Variants in CKAP2 observed in about 807,000 individuals in gnomAD.
The protein encoded by CKAP2 is cytoskeleton-associated protein 2.
CKAP2 carries 46 observed loss-of-function variants against 58.4 expected under a neutral mutation model. The observed-to-expected ratio is 0.79, with a 90% CI of 0.62 to 1.01. The LOEUF is 1.01. Among genes scored for constraint, CKAP2 ranks in the 50% least tolerant of loss-of-function variants. The pLI is 0.00. For synonymous variants in CKAP2, 293 were observed against 280.9 expected (o/e 1.04, Z -0.43); for missense variants, 809 against 796.4 (o/e 1.02, Z -0.19).
chr13:52,463,697 GGAA>G (rs1319272434), intron 5 of CKAP2, among the ~76,000 whole-genome samples: 1 of 152,162 alleles, frequency 6.6e-6, no homozygotes, highest in Admixed American at 6.5e-5. Flanking sequence ...TGAGGGACCA[GGAA>G]GTGGGTTCTC....
chr13:52,466,199 G>A (rs1051138877), intron 6 of CKAP2, among the ~76,000 whole-genome samples: 7 of 151,902 alleles, frequency 4.6e-5, no homozygotes, highest in Non-Finnish European at 7.4e-5. Context: ...ACAAAGTTTT[G>A]GGTATAGAAT....
In CKAP2 at chr13:52,468,479, A is replaced by G. The variant is rs142852706; in HGVS notation, c.1546+132A>G. 510 of 587,882 alleles carry G rather than the reference A, an allele frequency of 8.7e-4. 4 individuals carry two copies. Among genetic ancestry groups the G allele is most frequent in the African/African-American group, 7.0e-3 (372 of 53,168 alleles). 36.4% of individuals were successfully genotyped at this position (587,882 alleles called of 1,614,324 possible). On this transcript the variant is annotated intron_variant, in intron 7 of 8. Transcript: ENST00000258607. ...TTTGTTACAAAGGTAAATGTGTGTC[A>G]TGGGGGTTTGTTGTACAGATTATTT...
At chr13:52,459,308 A>G (rs1958534446) in intron 2 of CKAP2, among the ~76,000 whole-genome samples, 1 of 152,056 alleles carries the variant, frequency 6.6e-6, no homozygotes, top group Non-Finnish European at 1.5e-5. Context: ...TGTAAAATAT[A>G]TATATATATA....
intron 7 of CKAP2, among the ~76,000 whole-genome samples, chr13:52,470,916 T>C (rs935583441): frequency 6.6e-6 from 1 of 151,820 alleles, no homozygotes; most frequent in African/African-American, 2.4e-5. Flanking sequence ...TCCCAGCACT[T>C]TGGGAGGCCT....
rs993104106 is a variant in CKAP2 at position 52,465,972 on chromosome 13, C to T, written c.1476+507C>T. ...ATATATATGCACACATATATACACA[C>T]ATATATGCACACATATATGCACACA... On this transcript the variant is annotated intron_variant, in intron 6 of 8. Transcript: ENST00000258607. 4.3e-3 allele frequency: 1,119 copies of T among 259,532 alleles called. 14 individuals carry two copies. The highest frequency in any genetic ancestry group is 0.023 in the African/African-American group (971 of 43,014). The allele number at this position is 259,532 out of a possible 1,614,324, so 16.1% of individuals were successfully genotyped here.
chr13:52,461,761 C>T lies in CKAP2; in HGVS notation c.935C>T (p.Thr312Ile). 1 of 1,613,812 alleles carries T rather than the reference C, an allele frequency of 6.2e-7. No homozygotes were observed. Among genetic ancestry groups the T allele is most frequent in the Non-Finnish European group, 8.5e-7 (1 of 1,179,762 alleles). The change falls in exon 4 of 9, where the codon ACT (threonine) becomes ATT (isoleucine). Residue 312 changes from threonine (T) to isoleucine (I), a missense_variant. Thr to Ile is a moderately conservative substitution (Grantham distance 89). Around this residue, in one of 3 missense-constraint regions of CKAP2, gnomAD observed 523 missense variants for 492.4 expected, o/e 1.06. Coordinates refer to ENST00000258607, the MANE Select transcript of CKAP2 (RefSeq NM_018204.5). ...SSSQGIIRNK[T>I]LSRSIASEVI... is the part of the protein sequence containing the mutation. ...TCTCAAGGTATAATAAGAAATAAGA[C>T]TCTATCAAGATCCATAGCATCTGAA...
chr13:52,471,051 G>A (rs1446448085), intron 7 of CKAP2, among the ~76,000 whole-genome samples: 18 of 152,072 alleles, frequency 1.2e-4, no homozygotes, highest in African/African-American at 2.7e-4. Context: ...CCAGCTACTC[G>A]GGGGGCTGAG....
chr13:52,476,356 T>C lies in CKAP2; in HGVS notation c.*1215T>C, dbSNP rs1042472115. ...TTAAAATATCTGTGTAATTATGTTT[T>C]AATGAAGTTTATTTCAACAGATATT... On this transcript the variant is annotated 3_prime_UTR_variant, in exon 9 of 9. Coordinates refer to ENST00000258607, the MANE Select transcript of CKAP2 (RefSeq NM_018204.5). 6.6e-6 allele frequency: 1 copy of C among 152,230 alleles called. No individual in the cohort carries two copies. Among genetic ancestry groups the C allele is most frequent in the East Asian group, 1.9e-4 (1 of 5,206 alleles). The allele number at this position is 152,230 out of a possible 1,614,324, so 9.4% of individuals were successfully genotyped here.
chr13:52,462,751 A>C (rs1392047385), intron 5 of CKAP2, among the ~76,000 whole-genome samples, 184 bp downstream of exon 5: 2 of 152,158 alleles, frequency 1.3e-5, no homozygotes, highest in African/African-American at 4.8e-5. Context: ...TTCATTCATT[A>C]ATTGTGAGCT....
At chr13:52,460,827 T>C in intron 2 of CKAP2, 72 bp from the exon 3 acceptor site, 1 of 1,305,682 alleles carries the variant, frequency 7.7e-7, no homozygotes, top group Non-Finnish European at 1.1e-6. Context: ...CATTGCCCTC[T>C]TCTTCCTCCC....
chr13:52,461,755 ATAAGAC>A lies in CKAP2; in HGVS notation c.931_936del (p.Lys311_Thr312del). ...AGTTCTTCTCAAGGTATAATAAGAA[ATAAGAC>A]TCTATCAAGATCCATAGCATCTGAA... On this transcript the variant is annotated inframe_deletion, in exon 4 of 9. Transcript: ENST00000258607. 1 of 1,613,958 alleles carries A rather than the reference ATAAGAC, an allele frequency of 6.2e-7. No homozygotes were observed. The highest frequency in any genetic ancestry group is 1.3e-5 in the African/African-American group (1 of 75,028).
chr13:52,474,222 A>C (rs1424151265), intron 8 of CKAP2, 138 bp downstream of exon 8: 2 of 855,026 alleles, frequency 2.3e-6, no homozygotes, highest in Non-Finnish European at 3.5e-6. Flanking sequence ...ATGGTGGCTC[A>C]CGCCTGTAAT....
intron 2 of CKAP2, among the ~76,000 whole-genome samples, chr13:52,457,242 A>T (rs149939072): frequency 2.0e-5 from 3 of 152,272 alleles, no homozygotes; most frequent in Non-Finnish European, 4.4e-5. Context: ...AAGAGAAAAA[A>T]ACAATTATAA....
chr13:52,458,709 A>G (rs1220585933), intron 2 of CKAP2, among the ~76,000 whole-genome samples: 1 of 152,086 alleles, frequency 6.6e-6, no homozygotes, highest in Non-Finnish European at 1.5e-5. Flanking sequence ...CTAAAAATAT[A>G]AAAATTAGCC....
chr13:52,472,842 C>T (rs1403390935), intron 7 of CKAP2, among the ~76,000 whole-genome samples: 4 of 152,114 alleles, frequency 2.6e-5, no homozygotes, highest in Admixed American at 6.6e-5. Context: ...GTCTAGAATT[C>T]GAGACCATCC....
chr13:52,474,820 TG>T, intron 8 of CKAP2, 74 bp from the exon 9 acceptor site: 2 of 1,391,538 alleles, frequency 1.4e-6, no homozygotes, highest in Non-Finnish European at 2.0e-6. Flanking sequence ...CTATATAGTA[TG>T]GTACATATCA....
intron 6 of CKAP2, 79 bp downstream of exon 6, chr13:52,465,544 A>C (rs934878662): frequency 1.5e-6 from 2 of 1,294,104 alleles, no homozygotes; most frequent in Non-Finnish European, 2.2e-6. Context: ...ATCACAACAT[A>C]ACTTGAGAAA....
Position 52,461,754 on chromosome 13 carries a change from A to C in CKAP2, c.928A>C (p.Asn310His). The C allele has an allele frequency of 6.2e-7, 1 of 1,614,002 alleles. No individual in the cohort carries two copies. Among genetic ancestry groups the C allele is most frequent in the Non-Finnish European group, 8.5e-7 (1 of 1,179,880 alleles). Residue 310 changes from asparagine (N) to histidine (H), a missense_variant, in exon 4 of 9, where the codon AAT (asparagine) becomes CAT (histidine). By Grantham distance (68) the Asn-to-His change is moderately conservative. Around this residue, in one of 3 missense-constraint regions of CKAP2, gnomAD observed 523 missense variants for 492.4 expected, o/e 1.06. Coordinates refer to ENST00000258607, the MANE Select transcript of CKAP2 (RefSeq NM_018204.5). ...KTSSSQGIIRNKTLSRSIASE... is the reference protein window; with the variant it reads ...KTSSSQGIIRHKTLSRSIASE... ...CAGTTCTTCTCAAGGTATAATAAGA[A>C]ATAAGACTCTATCAAGATCCATAGC...
chr13:52,473,923 A>T lies in CKAP2; in HGVS notation c.1641A>T (p.Glu547Asp), dbSNP rs1224570325. ...TTGATGTAGATCCAGAAAAACTGGA[A>T]ATGGAGAGTAAACTTCATAGAAATT... ...TGVDVDPEKL[E>D]MESKLHRNLL... The change falls in exon 8 of 9, where the codon GAA becomes GAT. Residue 547 changes from glutamate (E) to aspartate (D), a missense_variant. By Grantham distance (45) the Glu-to-Asp change is conservative. This residue lies in a region of CKAP2 where 283 missense variants were observed against 287.6 expected (regional missense o/e 0.98). Transcript: ENST00000258607. The T allele has an allele frequency of 6.2e-7, 1 of 1,613,982 alleles. No homozygotes were observed. The highest frequency in any genetic ancestry group is 8.5e-7 in the Non-Finnish European group (1 of 1,179,988).
Sources: allele counts gnomAD v4.1 joint callset (sites outside exome capture counted in the v4.1 genomes callset), GRCh38; gene constraint gnomAD v4.1.1; regional missense constraint gnomAD v4.1.1; transcripts MANE v1.5; gene names NCBI Gene and HGNC (gene_info 2026-07-23, HGNC 2026-07-21).